The following LRP2 variants were observed in gnomAD, a reference collection of about 807,000 sequenced individuals.
LRP2 encodes the protein low-density lipoprotein receptor-related protein 2.
A neutral mutation model predicts 531.0 loss-of-function variants in LRP2; 172 were observed. The observed-to-expected ratio is 0.32, with a 90% CI of 0.29 to 0.37. LRP2 has a LOEUF of 0.37. LRP2 is among the 10% of genes least tolerant of loss of function. The probability of loss-of-function intolerance (pLI) is 1.00; values close to 1 mark genes in which losing one functional copy is unlikely to be tolerated. For synonymous variants in LRP2, 1,992 were observed against 2,027.6 expected, an observed-to-expected ratio of 0.98 and a Z score of 0.47; for missense variants, 5,167 against 5,868.3, an observed-to-expected ratio of 0.88 and a Z score of 3.90.
chr2:169,308,358 T>C (rs1684486279), intron 3 of LRP2, among the ~76,000 whole-genome samples: 1 of 152,158 alleles, frequency 6.6e-6, no homozygotes, highest in Non-Finnish European at 1.5e-5. Context: ...TATCTCCTAA[T>C]GTTATCCTTC....
At chr2:169,240,810 A>G (rs1689776610) in intron 25 of LRP2, 178 bp downstream of exon 25, 3 of 744,182 alleles carry the variant, frequency 4.0e-6, no homozygotes, top group Non-Finnish European at 4.7e-6. Context: ...TAATCAGAAA[A>G]TTATCCAATG....
At chr2:169,295,219 G>T (rs1208952471) in intron 4 of LRP2, among the ~76,000 whole-genome samples, 2 of 152,204 alleles carry the variant, frequency 1.3e-5, no homozygotes, top group African/African-American at 4.8e-5. Context: ...GCGGCCCAGA[G>T]GTACCACTAA....
chr2:169,362,261 C>A (rs1435384091), intron 1 of LRP2, 60 bp downstream of exon 1: 4 of 1,450,604 alleles, frequency 2.8e-6, no homozygotes, highest in South Asian at 1.2e-5. Flanking sequence ...TCCCGCGGAC[C>A]CGACCCTGCC....
intron 20 of LRP2, 108 bp downstream of exon 20, chr2:169,247,269 AC>A: frequency 1.7e-6 from 2 of 1,177,416 alleles, no homozygotes; most frequent in South Asian, 1.4e-5. Flanking sequence ...ATATAAAACT[AC>A]CAGGAGCTAG....
intron 1 of LRP2, among the ~76,000 whole-genome samples, chr2:169,361,467 A>G (rs766878329): frequency 2.3e-4 from 33 of 141,312 alleles, no homozygotes; most frequent in Non-Finnish European, 4.1e-4. Context: ...TTCTTTCCTT[A>G]TTCCTATTTG....
chr2:169,322,454 T>A (rs2105518728), intron 1 of LRP2, among the ~76,000 whole-genome samples: 1 of 152,180 alleles, frequency 6.6e-6, no homozygotes, highest in East Asian at 1.9e-4. Context: ...TGCATGATGG[T>A]GGTTGGTGGT....
At position 169,199,055 on chromosome 2, in the gene LRP2, G is replaced by C. The variant is rs901682022; in HGVS notation, c.8453-144C>G. The C allele has an allele frequency of 1.6e-5, 12 of 758,892 alleles. No individual in the cohort carries two copies. In the Admixed American group the frequency reaches 2.6e-4, roughly 16 times the overall value. The allele number at this position is 758,892 out of a possible 1,614,324, so 47.0% of individuals were successfully genotyped here. A position where few individuals can be genotyped will look rare whatever the true frequency, so the allele number is the denominator to read the frequency against. On this transcript the variant is annotated intron_variant, in intron 44 of 78. Transcript: ENST00000649046. Reference sequence around the variant, plus strand: ...AAGCCATCAGAAAGGCAGGATCCATGATACTTATGTTACCTATAGATTCTG... The same window carrying C: ...AAGCCATCAGAAAGGCAGGATCCATCATACTTATGTTACCTATAGATTCTG...
At position 169,257,775 on chromosome 2, in the gene LRP2, A is replaced by G. The variant is rs1247897095; in HGVS notation, c.2514-526T>C. On this transcript the variant is annotated intron_variant, in intron 17 of 78. Coordinates refer to ENST00000649046, the MANE Select transcript of LRP2 (RefSeq NM_004525.3). ...TATCTGACCCAAGCATTTTTTTAAT[A>G]TTCTAAAGAGTGGGAAAAAGATAAG... is the stretch of plus-strand genomic sequence containing the variant. Among the ~76,000 whole-genome samples the G allele has an allele frequency of 4.0e-5, 6 of 150,940 alleles. No individual in the cohort carries two copies. The East Asian group carries it at 1.2e-3, about 30-fold the overall frequency.
In LRP2 at chr2:169,173,105, G is replaced by C; in HGVS notation, c.11134C>G (p.Gln3712Glu). 1.9e-6 allele frequency: 3 copies of C among 1,613,902 alleles called. No individual in the cohort carries two copies. Among genetic ancestry groups the C allele is most frequent in the Non-Finnish European group, 2.5e-6 (3 of 1,179,954 alleles). Reference protein sequence around the residue: ...VDDCRDNSDEQGCEERTCHPV... With the variant: ...VDDCRDNSDEEGCEERTCHPV... ...CTGTGGCCCCTCCTACCACAGCCTTGCTCATCACTGTTGTCCCTGCAGTCA... is the reference window on the plus strand; with the variant it reads ...CTGTGGCCCCTCCTACCACAGCCTTCCTCATCACTGTTGTCCCTGCAGTCA... The change falls in exon 57 of 79, where the codon CAA becomes GAA. Residue 3712 changes from glutamine (Q) to glutamate (E), a missense_variant. Coordinates refer to ENST00000649046, the MANE Select transcript of LRP2 (RefSeq NM_004525.3).
rs779107802 is a variant in LRP2 at position 169,212,227 on chromosome 2, A to G, written c.6041-20T>C. 2 of 1,613,878 alleles carry G rather than the reference A, an allele frequency of 1.2e-6. No individual in the cohort carries two copies. Among genetic ancestry groups the G allele is most frequent in the Admixed American group, 3.3e-5 (2 of 59,984 alleles). On this transcript the variant is annotated intron_variant, in intron 36 of 78. Transcript: ENST00000649046. ...CGGCATCTAAATGAAAACAAAATCCATTTGTAACTTTTGATCCTAGCTACT... is the reference window on the plus strand; with the variant it reads ...CGGCATCTAAATGAAAACAAAATCCGTTTGTAACTTTTGATCCTAGCTACT...
At chr2:169,196,692 T>A (rs1259881183) in intron 46 of LRP2, among the ~76,000 whole-genome samples, 3 of 152,228 alleles carry the variant, frequency 2.0e-5, no homozygotes, top group Admixed American at 6.5e-5. Flanking sequence ...TCAGCATCAA[T>A]CAGCAGCTTC....
Position 169,147,803 on chromosome 2 carries a change from A to C in LRP2, c.12591-844T>G, listed in dbSNP as rs193051180. ...CGGTTGTAAATATCAAGTGATGCGG[A>C]GAGCAAGACCCTGTGTAAGAGCTCC... On this transcript the variant is annotated intron_variant, in intron 68 of 78. Transcript: ENST00000649046. Among the ~76,000 whole-genome samples the C allele has an allele frequency of 9.8e-4, 150 of 152,328 alleles. 1 individual carries two copies. Among genetic ancestry groups the C allele is most frequent in the African/African-American group, 3.4e-3 (143 of 41,580 alleles).
In LRP2 at chr2:169,265,033, C is replaced by T. The variant is rs73971827; in HGVS notation, c.2321-5816G>A. 7.7e-3 allele frequency among the ~76,000 whole-genome samples: 1,168 copies of T among 152,034 alleles called. 14 individuals are homozygous for T. The highest frequency in any genetic ancestry group is 0.027 in the African/African-American group (1,117 of 41,484). The stretch of plus-strand genomic sequence containing the variant: ...ACTCCCAGAACAGACCACCATCTCC[C>T]CACATCTTCCCCTTACCCCAAGAAG... On this transcript the variant is annotated intron_variant, in intron 16 of 78. Transcript: ENST00000649046.
At chr2:169,298,929 A>C (rs1175779190) in intron 4 of LRP2, among the ~76,000 whole-genome samples, 2 of 151,896 alleles carry the variant, frequency 1.3e-5, no homozygotes, top group Non-Finnish European at 2.9e-5. Context: ...ACTAGCTCTT[A>C]GGGAATGCAG....
At chr2:169,242,924 T>C in intron 24 of LRP2, 32 bp downstream of exon 24, 3 of 1,504,246 alleles carry the variant, frequency 2.0e-6, no homozygotes, top group Non-Finnish European at 2.8e-6. Context: ...ATGACCCCTT[T>C]GTCTGAAACA....
At chr2:169,362,210 G>T (rs1169336335) in intron 1 of LRP2, 111 bp downstream of exon 1, 3 of 915,154 alleles carry the variant, frequency 3.3e-6, no homozygotes, top group Non-Finnish European at 4.7e-6. Flanking sequence ...CCGCGCCGCC[G>T]CCCGGCCCTA....
At position 169,241,107 on chromosome 2, in the gene LRP2, G is replaced by C; in HGVS notation, c.3926C>G (p.Pro1309Arg). 1 of 1,613,912 alleles carries C rather than the reference G, an allele frequency of 6.2e-7. No individual in the cohort carries two copies. The highest frequency in any genetic ancestry group is 8.5e-7 in the Non-Finnish European group (1 of 1,179,836). ...MSDEKDCPTQ[P>R]FRCPSWQWQC... The stretch of plus-strand genomic sequence containing the variant: ...CCATTGCCAACTAGGACAGCGAAAG[G>C]GCTGAGTAGGGCAGTCCTTCTCATC... The change falls in exon 25 of 79, where the codon CCC (proline) becomes CGC (arginine). Residue 1309 changes from proline to arginine, a missense_variant. Around this residue, in one of 6 missense-constraint regions of LRP2, gnomAD observed 2,811 missense variants for 3,058.0 expected, o/e 0.92. Transcript: ENST00000649046.
intron 1 of LRP2, among the ~76,000 whole-genome samples, chr2:169,338,637 T>C (rs927680153): frequency 6.6e-6 from 1 of 152,230 alleles, no homozygotes; most frequent in Non-Finnish European, 1.5e-5. Context: ...TCTCCAAGTA[T>C]AACAGTCTGT....
chr2:169,283,098 G>A lies in LRP2; in HGVS notation c.1043-97C>T, dbSNP rs901150629. ...TAGATAAGATGGCCAAGAATGTGGT[G>A]TTGCCCATGTCTAAATAAACACCCT... On this transcript the variant is annotated intron_variant, in intron 9 of 78. Coordinates refer to ENST00000649046, the MANE Select transcript of LRP2 (RefSeq NM_004525.3). 3.2e-6 allele frequency: 4 copies of A among 1,252,234 alleles called. No individual in the cohort carries two copies. In the African/African-American group the frequency reaches 5.8e-5, roughly 18 times the overall value. 77.6% of individuals were successfully genotyped at this position (1,252,234 alleles called of 1,614,324 possible).
Sources: gnomAD v4.1 joint callset for allele counts (sites outside exome capture counted in the v4.1 genomes callset) on GRCh38, gnomAD v4.1.1 for gene constraint, gnomAD v4.1.1 regional missense constraint, MANE v1.5 for transcripts, NCBI Gene and HGNC (gene_info 2026-07-23, HGNC 2026-07-21) for gene names.